The following HCK variants were observed in gnomAD, a reference collection of about 807,000 sequenced individuals.
The protein encoded by HCK is HCK proto-oncogene, Src family tyrosine kinase.
A neutral mutation model predicts 70.4 loss-of-function variants in HCK; 40 were observed. That is an observed-to-expected ratio of 0.57 (90% CI 0.44 to 0.74). HCK has a LOEUF of 0.74. HCK is among the 30% of genes least tolerant of loss of function. The probability of loss-of-function intolerance (pLI) is 0.00; values close to 1 mark genes in which losing one functional copy is unlikely to be tolerated. For synonymous variants in HCK, 245 were observed against 263.2 expected (o/e 0.93, Z 0.67); for missense variants, 568 against 697.2 (o/e 0.81, Z 2.09).
chr20:32,071,077 G>C (rs1449811698), intron 1 of HCK, among the ~76,000 whole-genome samples: 1 of 152,196 alleles, frequency 6.6e-6, no homozygotes, highest in Non-Finnish European at 1.5e-5. Context: ...GCCATGTTAT[G>C]TGACCTCATC....
chr20:32,057,061 G>T lies in HCK; in HGVS notation c.62+4575G>T, dbSNP rs530454140. Among the ~76,000 whole-genome samples the T allele has an allele frequency of 3.3e-5, 5 of 152,266 alleles. No homozygotes were observed. In the South Asian group the frequency reaches 8.3e-4, roughly 25 times the overall value. ...AACTCAGGAGAGCTCACATAATCTG[G>T]ATTTCTGTCTCCTAAAACATTAGAA... On this transcript the variant is annotated intron_variant, in intron 1 of 12. Coordinates refer to ENST00000375852, the MANE Select transcript of HCK (RefSeq NM_002110.5).
intron 5 of HCK, 92 bp from the exon 6 acceptor site, chr20:32,079,682 C>A: frequency 1.3e-6 from 1 of 793,014 alleles, no homozygotes; most frequent in Non-Finnish European, 2.2e-6. Context: ...CCTGACATTC[C>A]CCTGGGACCT....
chr20:32,086,705 G>C lies in HCK; in HGVS notation c.913G>C (p.Glu305Gln). ...CATGTCGGTGGAGGCCTTCCTGGCA[G>C]AGGCCAACGTGATGAAAACTCTGCA... is the stretch of plus-strand genomic sequence containing the variant. The change falls in exon 9 of 13, where the codon GAG becomes CAG. Residue 305 changes from glutamate to glutamine, a missense_variant. Coordinates refer to ENST00000375852, the MANE Select transcript of HCK (RefSeq NM_002110.5). 6.2e-7 allele frequency: 1 copy of C among 1,613,768 alleles called. No homozygotes were observed. The highest frequency in any genetic ancestry group is 8.5e-7 in the Non-Finnish European group (1 of 1,179,812).
intron 4 of HCK, among the ~76,000 whole-genome samples, chr20:32,074,358 C>A (rs2045590942): frequency 6.6e-6 from 1 of 152,132 alleles, no homozygotes; most frequent in African/African-American, 2.4e-5. Flanking sequence ...AGCTGCAAGT[C>A]CAGGGAAAAG....
In HCK at chr20:32,086,624, C is replaced by T. The variant is rs931842143; in HGVS notation, c.836-4C>T. 2 of 1,605,336 alleles carry T rather than the reference C, an allele frequency of 1.2e-6. No homozygotes were observed. Among genetic ancestry groups the T allele is most frequent in the Non-Finnish European group, 1.7e-6 (2 of 1,176,296 alleles). ...CACCTTCCCTGCTCTCTATCCCCCTCCAGCCACCTACAACAAGCACACCAA... is the reference window on the plus strand; with the variant it reads ...CACCTTCCCTGCTCTCTATCCCCCTTCAGCCACCTACAACAAGCACACCAA... On this transcript the variant is annotated splice_region_variant and splice_polypyrimidine_tract_variant and intron_variant, in intron 8 of 12. Transcript: ENST00000375852.
intron 1 of HCK, among the ~76,000 whole-genome samples, chr20:32,058,472 A>T (rs2045308201): frequency 6.6e-6 from 1 of 150,968 alleles, no homozygotes; most frequent in African/African-American, 2.4e-5. Context: ...GCACGGTTGC[A>T]GTGAGCCAAG....
intron 11 of HCK, among the ~76,000 whole-genome samples, chr20:32,096,172 G>A (rs150053196): frequency 0.016 from 2,430 of 152,018 alleles, 70 homozygotes; most frequent in African/African-American, 0.056. Context: ...TTACAGATGC[G>A]AGCCACTGTG....
intron 8 of HCK, 47 bp from the exon 9 acceptor site, chr20:32,086,581 A>G: frequency 6.6e-7 from 1 of 1,512,594 alleles, no homozygotes; most frequent in Non-Finnish European, 8.9e-7. Flanking sequence ...GTGGTACGGG[A>G]GACCAGTGGG....
At chr20:32,074,511 C>T (rs2045593277) in intron 4 of HCK, 112 bp from the exon 5 acceptor site, 1 of 756,260 alleles carries the variant, frequency 1.3e-6, no homozygotes, top group East Asian at 2.5e-5. Flanking sequence ...CTGTCCTTCA[C>T]CCTACTGGCT....
rs770332822 is a variant in HCK at position 32,099,011 on chromosome 20, G to A, written c.1254G>A (p.Lys418=). The change falls in exon 12 of 13, where the codon AAG becomes AAA. Residue 418 remains lysine, a synonymous_variant. Transcript: ENST00000375852. ...CTCTGTTCAACCCTGCAGGGGCCAA[G>A]TTCCCCATCAAGTGGACAGCTCCTG... 6.2e-7 allele frequency: 1 copy of A among 1,614,150 alleles called. No homozygotes were observed. The highest frequency in any genetic ancestry group is 1.1e-5 in the South Asian group (1 of 91,082).
At chr20:32,083,536 T>C (rs1006786044) in intron 6 of HCK, among the ~76,000 whole-genome samples, 1 of 152,248 alleles carries the variant, frequency 6.6e-6, no homozygotes, top group Admixed American at 6.5e-5. Flanking sequence ...ATGATGATGA[T>C]GATAGCCAAC....
intron 11 of HCK, among the ~76,000 whole-genome samples, chr20:32,098,170 G>C (rs117681170): frequency 0.037 from 5,580 of 152,030 alleles, 161 homozygotes; most frequent in Non-Finnish European, 0.052. Context: ...GTCTCAGCCT[G>C]TAGCTGGAAC....
chr20:32,056,757 G>A (rs2045278750), intron 1 of HCK, among the ~76,000 whole-genome samples: 1 of 152,090 alleles, frequency 6.6e-6, no homozygotes, highest in African/African-American at 2.4e-5. Flanking sequence ...CAGAAAGTAA[G>A]GAGAAAGTTG....
At chr20:32,089,147 T>C (rs1320266635) in intron 10 of HCK, among the ~76,000 whole-genome samples, 1 of 152,242 alleles carries the variant, frequency 6.6e-6, no homozygotes, top group African/African-American at 2.4e-5. Context: ...GGCCAAGCCT[T>C]CATGAGCAGG....
intron 5 of HCK, among the ~76,000 whole-genome samples, chr20:32,077,812 C>T (rs2045648885): frequency 6.6e-6 from 1 of 152,184 alleles, no homozygotes; most frequent in African/African-American, 2.4e-5. Context: ...GCGTGAGCCA[C>T]TGCTCCCGGA....
rs2045187917 is a variant in HCK at position 32,052,505 on chromosome 20, G to A, written c.62+19G>A. On this transcript the variant is annotated intron_variant, in intron 1 of 12. Coordinates refer to ENST00000375852, the MANE Select transcript of HCK (RefSeq NM_002110.5). Reference sequence around the variant, plus strand: ...CGCCCAGGTGAGTGCCGCGCACAGGGGACCGGGAATACCCGGCCCGCGAGG... The same window carrying A: ...CGCCCAGGTGAGTGCCGCGCACAGGAGACCGGGAATACCCGGCCCGCGAGG... 1.6e-6 allele frequency: 2 copies of A among 1,263,632 alleles called. No homozygotes were observed. The highest frequency in any genetic ancestry group is 2.0e-6 in the Non-Finnish European group (2 of 996,216). The allele number at this position is 1,263,632 out of a possible 1,614,324, so 78.3% of individuals were successfully genotyped here.
chr20:32,054,663 G>A (rs1197672945), intron 1 of HCK, among the ~76,000 whole-genome samples: 4 of 151,582 alleles, frequency 2.6e-5, no homozygotes, highest in African/African-American at 7.3e-5. Context: ...AAAATTAGCC[G>A]GGCATGGTGG....
intron 9 of HCK, among the ~76,000 whole-genome samples, chr20:32,087,585 G>C (rs527681304): frequency 6.6e-6 from 1 of 151,698 alleles, no homozygotes; most frequent in South Asian, 2.1e-4. Flanking sequence ...TCCCGACTTA[G>C]TCTCCCCAGT....
intron 12 of HCK, among the ~76,000 whole-genome samples, chr20:32,101,024 G>A (rs2122265081): frequency 6.6e-6 from 1 of 152,322 alleles, no homozygotes; most frequent in African/African-American, 2.4e-5. Flanking sequence ...GTGTTCAAAG[G>A]AAGAGATGAA....
Sources: gnomAD v4.1 joint callset for allele counts (sites outside exome capture counted in the v4.1 genomes callset) on GRCh38, gnomAD v4.1.1 for gene constraint, MANE v1.5 for transcripts, NCBI Gene and HGNC (gene_info 2026-07-23, HGNC 2026-07-21) for gene names.